The following ALK variants were observed in gnomAD, a reference collection of about 807,000 sequenced individuals.
The protein encoded by ALK is ALK tyrosine kinase receptor.
ALK carries 74 observed loss-of-function variants against 163.1 expected under a neutral mutation model. That is an observed-to-expected ratio of 0.45 (90% CI 0.38 to 0.55). The LOEUF is 0.55. ALK is among the 20% of genes least tolerant of loss of function. The pLI is 0.00. For missense variants in ALK, 2,063 were observed against 2,105.3 expected (o/e 0.98, Z 0.39); for synonymous variants, 960 against 843.2 (o/e 1.14, Z -2.40).
chr2:29,559,395 C>T (rs1673955060), intron 3 of ALK, among the ~76,000 whole-genome samples: 1 of 152,214 alleles, frequency 6.6e-6, no homozygotes, highest in Non-Finnish European at 1.5e-5. Flanking sequence ...GTCTGCCCAG[C>T]AGAGGCGTAT....
chr2:29,700,225 C>T lies in ALK; in HGVS notation c.788-5211G>A, dbSNP rs536128102. Among the ~76,000 whole-genome samples, 4 of 152,286 alleles carry T rather than the reference C, an allele frequency of 2.6e-5. No individual in the cohort carries two copies. The South Asian group carries it at 8.3e-4, about 32-fold the overall frequency. On this transcript the variant is annotated intron_variant, in intron 2 of 28. Coordinates refer to ENST00000389048, the MANE Select transcript of ALK (RefSeq NM_004304.5). ...GAATGTACATCACACTCAATGGGGA[C>T]TTGGTTTGCCTCCAGATTCTCAAAG...
At chr2:29,426,211 C>A (rs963042714) in intron 4 of ALK, among the ~76,000 whole-genome samples, 2 of 152,060 alleles carry the variant, frequency 1.3e-5, no homozygotes, top group African/African-American at 2.4e-5. Context: ...ACACACCATG[C>A]CCTCTGGAGA....
chr2:29,531,091 C>A (rs1447065684), intron 4 of ALK, among the ~76,000 whole-genome samples: 3 of 152,152 alleles, frequency 2.0e-5, no homozygotes, highest in Admixed American at 2.0e-4. Flanking sequence ...CAGGTGGGAC[C>A]CTTCTGAAAA....
rs2148180703 is a variant in ALK at position 29,229,041 on chromosome 2, G to A, written c.2658C>T (p.Asn886=). The part of the protein sequence containing the change: ...AAGGGGGWND[N]TSLLWAGKSL... ...ATTTTCCGGCCCAGAGCAAGGAAGT[G>A]TTATCATTCCAGCCACCTCCACCAC... The change falls in exon 16 of 29, where the codon AAC becomes AAT. Residue 886 remains asparagine, a synonymous_variant. Coordinates refer to ENST00000389048, the MANE Select transcript of ALK (RefSeq NM_004304.5). 4 of 1,613,704 alleles carry A rather than the reference G, an allele frequency of 2.5e-6. No individual in the cohort carries two copies. The highest frequency in any genetic ancestry group is 1.3e-5 in the African/African-American group (1 of 74,880).
chr2:29,480,907 G>T (rs1338918872), intron 4 of ALK, among the ~76,000 whole-genome samples: 1 of 151,696 alleles, frequency 6.6e-6, no homozygotes, highest in Non-Finnish European at 1.5e-5. Context: ...TCTGGGCAAG[G>T]CCAAAGATTC....
intron 3 of ALK, among the ~76,000 whole-genome samples, chr2:29,595,907 A>G (rs1048830813): frequency 6.6e-6 from 1 of 152,230 alleles, no homozygotes; most frequent in Admixed American, 6.5e-5. Flanking sequence ...GGACACTGAT[A>G]GGAATGAACT....
intron 4 of ALK, among the ~76,000 whole-genome samples, chr2:29,423,099 C>T (rs1670056891): frequency 6.6e-6 from 1 of 152,006 alleles, no homozygotes; most frequent in Non-Finnish European, 1.5e-5. Context: ...TCTCTCTTAG[C>T]AGAAAGAAAG....
At chr2:29,359,765 G>T (rs1212518764) in intron 5 of ALK, among the ~76,000 whole-genome samples, 2 of 152,310 alleles carry the variant, frequency 1.3e-5, no homozygotes, top group East Asian at 3.9e-4. Context: ...TGGCAGTCTT[G>T]TTAGCTGGGT....
chr2:29,548,532 A>T lies in ALK; in HGVS notation c.953-16416T>A, dbSNP rs535331631. Among the ~76,000 whole-genome samples, 37 of 55,320 alleles carry T rather than the reference A, an allele frequency of 6.7e-4. No homozygotes were observed. The Admixed American group carries it at 8.9e-3, about 13-fold the overall frequency. The allele number at this position is 55,320 out of a possible 152,430, so 36.3% of individuals were successfully genotyped here. On this transcript the variant is annotated intron_variant, in intron 3 of 28. Coordinates refer to ENST00000389048, the MANE Select transcript of ALK (RefSeq NM_004304.5). Reference sequence around the variant, plus strand: ...TCATTGGATATCTATGCCAGTGCTGAACTGCCTGTCTCCGCTCTTCTTGTG... The same window carrying T: ...TCATTGGATATCTATGCCAGTGCTGTACTGCCTGTCTCCGCTCTTCTTGTG...
intron 8 of ALK, among the ~76,000 whole-genome samples, chr2:29,306,558 T>A (rs867914615): frequency 2.5e-4 from 38 of 152,346 alleles, no homozygotes; most frequent in Middle Eastern, 6.8e-3. Context: ...TTTAACAAGA[T>A]CTTATCCTAG....
At chr2:29,751,765 TCCA>T (rs1180631513) in intron 1 of ALK, among the ~76,000 whole-genome samples, 1 of 152,172 alleles carries the variant, frequency 6.6e-6, no homozygotes, top group African/African-American at 2.4e-5. Flanking sequence ...AAAGCAAGTG[TCCA>T]CCACGTCTTC....
At chr2:29,528,132 AT>A (rs1440499396) in intron 4 of ALK, among the ~76,000 whole-genome samples, 5 of 152,188 alleles carry the variant, frequency 3.3e-5, no homozygotes, top group African/African-American at 7.2e-5. Flanking sequence ...GGCAACTTCT[AT>A]CCCCTTGAGG....
intron 1 of ALK, among the ~76,000 whole-genome samples, chr2:29,813,330 C>G (rs1467061562): frequency 6.6e-6 from 1 of 152,116 alleles, no homozygotes; most frequent in Non-Finnish European, 1.5e-5. Flanking sequence ...CCATTTCAGT[C>G]TGGGCAGTAA....
chr2:29,509,748 C>T (rs760793483), intron 4 of ALK, among the ~76,000 whole-genome samples: 3 of 152,200 alleles, frequency 2.0e-5, no homozygotes, highest in Non-Finnish European at 4.4e-5. Context: ...ACTAAAATAA[C>T]CTTTTAGATA....
At chr2:29,822,749 A>G (rs555732925) in intron 1 of ALK, among the ~76,000 whole-genome samples, 1 of 152,366 alleles carries the variant, frequency 6.6e-6, no homozygotes, top group East Asian at 1.9e-4. Flanking sequence ...AATAGGCATT[A>G]GGAGAGCTGG....
intron 4 of ALK, among the ~76,000 whole-genome samples, chr2:29,451,887 T>C (rs1250040686): frequency 6.6e-6 from 1 of 152,184 alleles, no homozygotes; most frequent in African/African-American, 2.4e-5. Flanking sequence ...CATGATGAAT[T>C]TGTTCTATAG....
At position 29,446,098 on chromosome 2, in the gene ALK, CAAAAAAAAAAAAA is replaced by C. The variant is rs60360983; in HGVS notation, c.1155-62252_1155-62240del. On this transcript the variant is annotated intron_variant, in intron 4 of 28. Coordinates refer to ENST00000389048, the MANE Select transcript of ALK (RefSeq NM_004304.5). ...TGGGCGACAGAGCGAGACTCCGTCT[CAAAAAAAAAAAAA>C]AAAAAAAAAAAAAAAGTGAAGCGCT... Among the ~76,000 whole-genome samples, 65 of 17,220 alleles carry C rather than the reference CAAAAAAAAAAAAA, an allele frequency of 3.8e-3. 1 individual carries two copies. Among genetic ancestry groups the C allele is most frequent in the African/African-American group, 9.3e-3 (52 of 5,580 alleles). The allele number at this position is 17,220 out of a possible 152,430, so 11.3% of individuals were successfully genotyped here.
chr2:29,683,897 G>A (rs1558440722), intron 3 of ALK, among the ~76,000 whole-genome samples: 1 of 152,116 alleles, frequency 6.6e-6, no homozygotes, highest in African/African-American at 2.4e-5. Context: ...GGTCTCTTGT[G>A]CATTATTTTG....
intron 3 of ALK, among the ~76,000 whole-genome samples, chr2:29,605,322 T>C (rs1675513511): frequency 6.6e-6 from 1 of 152,226 alleles, no homozygotes; most frequent in South Asian, 2.1e-4. Context: ...CTCCTGCTGC[T>C]GCGGCCCGAT....
Sources: gnomAD v4.1 joint callset for allele counts (sites outside exome capture counted in the v4.1 genomes callset) on GRCh38, gnomAD v4.1.1 for gene constraint, MANE v1.5 for transcripts, NCBI Gene and HGNC (gene_info 2026-07-23, HGNC 2026-07-21) for gene names.